SLC35A3: variants seen among roughly 807,000 people sequenced by gnomAD.
The protein encoded by SLC35A3 is solute carrier family 35 member A3, also known as UDP-N-acetylglucosamine transporter.
SLC35A3 carries 26 observed loss-of-function variants against 39.0 expected under a neutral mutation model. The observed-to-expected ratio is 0.67, with a 90% CI of 0.49 to 0.92. The LOEUF (loss-of-function observed/expected upper bound fraction) is 0.92, where lower values mean the gene tolerates loss of function less well. SLC35A3 is among the 40% of genes least tolerant of loss of function. The pLI is 0.00. For synonymous variants in SLC35A3, 135 were observed against 133.1 expected, an observed-to-expected ratio of 1.01 and a Z score of -0.10; for missense variants, 299 against 371.6, an observed-to-expected ratio of 0.80 and a Z score of 1.61.
chr1:99,990,806 G>C (rs1169663512), intron 1 of SLC35A3, among the ~76,000 whole-genome samples: 1 of 152,064 alleles, frequency 6.6e-6, no homozygotes, highest in African/African-American at 2.4e-5. Flanking sequence ...AGGGCCTTTG[G>C]GAGGTAATTA....
At chr1:99,980,469 C>A (rs181458845) in intron 1 of SLC35A3, among the ~76,000 whole-genome samples, 61 of 152,234 alleles carry the variant, frequency 4.0e-4, no homozygotes, top group Middle Eastern at 3.4e-3. Context: ...ATAGTGAGTG[C>A]TGAACGATTT....
At chr1:99,983,195 T>C (rs1657555709) in intron 1 of SLC35A3, among the ~76,000 whole-genome samples, 1 of 152,092 alleles carries the variant, frequency 6.6e-6, no homozygotes. Flanking sequence ...TGTGTGTGTG[T>C]TTCAGAACTG....
At chr1:99,982,025 G>C (rs1657482212) in intron 1 of SLC35A3, among the ~76,000 whole-genome samples, 1 of 136,854 alleles carries the variant, frequency 7.3e-6, no homozygotes, top group Non-Finnish European at 1.6e-5. Context: ...TTTTTTTTGA[G>C]ACGGAGTCTT....
In SLC35A3 at chr1:100,031,664, A is replaced by T. The variant is rs184635734; in HGVS notation, c.*9188A>T. 6.6e-6 allele frequency: 1 copy of T among 152,296 alleles called. No homozygotes were observed. The highest frequency in any genetic ancestry group is 1.5e-5 in the Non-Finnish European group (1 of 68,016). 9.4% of individuals were successfully genotyped at this position (152,296 alleles called of 1,614,324 possible). ...TCCATCTGCATTTGGCTGAAAAAAA[A>T]TCTGCATATAAGTGGACCCATGCAG... On this transcript the variant is annotated 3_prime_UTR_variant, in exon 8 of 8. Transcript: ENST00000533028.
At chr1:99,970,745 T>C in intron 1 of SLC35A3, 4 of 738,928 alleles carry the variant, frequency 5.4e-6, no homozygotes, top group African/African-American at 1.8e-5. Flanking sequence ...CGATCTTTTA[T>C]TATGTTCTCT....
chr1:100,006,130 C>T (rs2101293774), intron 3 of SLC35A3, among the ~76,000 whole-genome samples: 1 of 152,244 alleles, frequency 6.6e-6, no homozygotes, highest in East Asian at 1.9e-4. Context: ...TGGGGTCTGT[C>T]TGGTTCCTTA....
chr1:100,006,654 G>T (rs1213888933), intron 3 of SLC35A3, among the ~76,000 whole-genome samples: 1 of 152,148 alleles, frequency 6.6e-6, no homozygotes, highest in Non-Finnish European at 1.5e-5. Context: ...CTTGTCCTCA[G>T]GCCCCTGGAT....
chr1:99,979,847 C>G (rs1028893213), intron 1 of SLC35A3, among the ~76,000 whole-genome samples: 15 of 151,858 alleles, frequency 9.9e-5, no homozygotes, highest in African/African-American at 3.4e-4. Context: ...AGTTCGAGAC[C>G]ACCCTGGCCA....
intron 3 of SLC35A3, among the ~76,000 whole-genome samples, chr1:100,001,627 G>A (rs937103031): frequency 2.6e-5 from 4 of 151,848 alleles, no homozygotes; most frequent in Non-Finnish European, 4.4e-5. Context: ...CTCTATATAA[G>A]ATCATGTCAT....
At position 100,028,425 on chromosome 1, in the gene SLC35A3, G is replaced by T. The variant is rs1661034003; in HGVS notation, c.*5949G>T. The T allele has an allele frequency of 6.6e-6, 1 of 152,228 alleles. No homozygotes were observed. The allele number at this position is 152,228 out of a possible 1,614,324, so 9.4% of individuals were successfully genotyped here. A position where few individuals can be genotyped will look rare whatever the true frequency, so the allele number is the denominator to read the frequency against. On this transcript the variant is annotated 3_prime_UTR_variant, in exon 8 of 8. Coordinates refer to ENST00000533028, the MANE Select transcript of SLC35A3 (RefSeq NM_012243.3). ...TGCAGCCTTGATAGAGCAAGCTCAA[G>T]TGATCCTCCCAGGAGCCTCGGCCCC...
intron 1 of SLC35A3, among the ~76,000 whole-genome samples, chr1:99,978,600 A>C (rs911830654): frequency 6.6e-6 from 1 of 152,236 alleles, no homozygotes; most frequent in African/African-American, 2.4e-5. Flanking sequence ...ACTAAGTGGT[A>C]GTAGAAGAAT....
chr1:100,009,082 G>A (rs1359414753), intron 4 of SLC35A3: 2 of 152,178 alleles, frequency 1.3e-5, no homozygotes, highest in Non-Finnish European at 2.9e-5. Flanking sequence ...TGCATACTGA[G>A]TACTTATGTG....
At chr1:99,991,184 C>T (rs1658057726) in intron 1 of SLC35A3, among the ~76,000 whole-genome samples, 3 of 152,196 alleles carry the variant, frequency 2.0e-5, no homozygotes, top group African/African-American at 4.8e-5. Flanking sequence ...CTCGCTCTGT[C>T]GTCCAGGCTG....
In SLC35A3 at chr1:100,026,982, T is replaced by G; in HGVS notation, c.*4506T>G. ...TTTCATAAAGAACTCTATACAAATCTTTTTCTATATTTCCTTATTTTCCTA... is the reference window on the plus strand; with the variant it reads ...TTTCATAAAGAACTCTATACAAATCGTTTTCTATATTTCCTTATTTTCCTA... On this transcript the variant is annotated 3_prime_UTR_variant, in exon 8 of 8. Transcript: ENST00000533028. 7.7e-6 allele frequency: 3 copies of G among 390,168 alleles called. No homozygotes were observed. The highest frequency in any genetic ancestry group is 1.4e-5 in the Non-Finnish European group (3 of 221,492). 24.2% of individuals were successfully genotyped at this position (390,168 alleles called of 1,614,324 possible).
rs185444605 is a variant in SLC35A3 at position 100,032,332 on chromosome 1, C to T, written c.*9856C>T. ...AAATGGTGATAAATTTTTTTTAGTG[C>T]TCTAAATTTCTTCTACATTTATTAG... On this transcript the variant is annotated 3_prime_UTR_variant, in exon 8 of 8. Transcript: ENST00000533028. 6.0e-5 allele frequency: 9 copies of T among 151,066 alleles called. No individual in the cohort carries two copies. The highest frequency in any genetic ancestry group is 3.3e-4 in the Admixed American group (5 of 15,248). The allele number at this position is 151,066 out of a possible 1,614,324, so 9.4% of individuals were successfully genotyped here.
In SLC35A3 at chr1:100,024,618, ACTT is replaced by A. The variant is rs1660789380; in HGVS notation, c.*2146_*2148del. On this transcript the variant is annotated 3_prime_UTR_variant, in exon 8 of 8. Coordinates refer to ENST00000533028, the MANE Select transcript of SLC35A3 (RefSeq NM_012243.3). ...ACAGTATGAATGAAAAAAATAAAAT[ACTT>A]CTTTTTTTTTTTTTTTGAGACAGAG... 9.3e-6 allele frequency: 3 copies of A among 321,124 alleles called. No homozygotes were observed. Among genetic ancestry groups the A allele is most frequent in the Middle Eastern group, 8.6e-4 (1 of 1,168 alleles). 19.9% of individuals were successfully genotyped at this position (321,124 alleles called of 1,614,324 possible). A position where few individuals can be genotyped will look rare whatever the true frequency, so the allele number is the denominator to read the frequency against.
At chr1:100,014,653 G>A (rs1322640213) in intron 5 of SLC35A3, among the ~76,000 whole-genome samples, 2 of 152,178 alleles carry the variant, frequency 1.3e-5, no homozygotes, top group African/African-American at 4.8e-5. Flanking sequence ...TATTCCAAAT[G>A]TGAGCAATTT....
At chr1:99,973,553 A>G (rs1298023874) in intron 1 of SLC35A3, among the ~76,000 whole-genome samples, 1 of 152,226 alleles carries the variant, frequency 6.6e-6, no homozygotes, top group Non-Finnish European at 1.5e-5. Context: ...TGGCTTCTCT[A>G]TCCAGATTGC....
chr1:99,993,212 C>T (rs1452777272), intron 1 of SLC35A3: 1 of 181,886 alleles, frequency 5.5e-6, no homozygotes. Context: ...AAAAAAATCT[C>T]TAGGGAACTC....
Sources: gnomAD v4.1 joint callset for allele counts (sites outside exome capture counted in the v4.1 genomes callset) on GRCh38, gnomAD v4.1.1 for gene constraint, MANE v1.5 for transcripts, NCBI Gene and HGNC (gene_info 2026-07-23, HGNC 2026-07-21) for gene names.